EVA1A: variants seen among roughly 807,000 people sequenced by gnomAD.
EVA1A encodes protein eva-1 homolog A.
A neutral mutation model predicts 9.8 loss-of-function variants in EVA1A; 7 were observed. That is an observed-to-expected ratio of 0.71 (90% CI 0.41 to 1.34). The LOEUF is 1.34. Among genes scored for constraint, EVA1A ranks in the 40% most tolerant of loss-of-function variants. The pLI, the probability that EVA1A is intolerant of heterozygous loss-of-function variation, is 0.01. For synonymous variants in EVA1A, 90 were observed against 85.6 expected, an observed-to-expected ratio of 1.05 and a Z score of -0.28; for missense variants, 206 against 205.9, an observed-to-expected ratio of 1.00 and a Z score of 0.00.
chr2:75,503,451 G>A lies in EVA1A; in HGVS notation c.86-9842C>T, dbSNP rs531642735. Among the ~76,000 whole-genome samples the A allele has an allele frequency of 7.2e-5, 11 of 152,278 alleles. No individual in the cohort carries two copies. In the South Asian group the frequency reaches 1.2e-3, roughly 17 times the overall value. On this transcript the variant is annotated intron_variant, in intron 3 of 3. Transcript: ENST00000393913. The stretch of plus-strand genomic sequence containing the variant: ...GCAGGGTCATTGTTTTCACGGGCAG[G>A]AAGAGGCCCTATGTAGAGGTCCTGA...
chr2:75,549,923 G>A (rs944359213), intron 1 of EVA1A, among the ~76,000 whole-genome samples: 1 of 152,172 alleles, frequency 6.6e-6, no homozygotes, highest in Non-Finnish European at 1.5e-5. Flanking sequence ...TCTAATTCCA[G>A]CCCTGAGCCT....
intron 1 of EVA1A, among the ~76,000 whole-genome samples, chr2:75,549,330 G>A (rs1417276552): frequency 6.6e-6 from 1 of 152,126 alleles, no homozygotes; most frequent in African/African-American, 2.4e-5. Context: ...CATTTGTGCG[G>A]AGCCACACAG....
chr2:75,518,631 T>A (rs1430163589), intron 2 of EVA1A: 1 of 987,244 alleles, frequency 1.0e-6, no homozygotes, highest in African/African-American at 1.8e-5. Flanking sequence ...AGTAAACAAT[T>A]CCCCCTTACC....
At chr2:75,558,700 C>T (rs1676811513) in intron 1 of EVA1A, 1 of 152,136 alleles carries the variant, frequency 6.6e-6, no homozygotes, top group African/African-American at 2.4e-5. Context: ...AAGTCAGGAC[C>T]TAGAATACCA....
chr2:75,568,867 GC>G (rs543486491), intron 1 of EVA1A, among the ~76,000 whole-genome samples: 75 of 152,270 alleles, frequency 4.9e-4, no homozygotes, highest in African/African-American at 1.8e-3. Context: ...TGGTTGATGA[GC>G]ACTTAAATAT....
At chr2:75,566,879 C>G (rs1677038354) in intron 1 of EVA1A, among the ~76,000 whole-genome samples, 1 of 151,856 alleles carries the variant, frequency 6.6e-6, no homozygotes. Flanking sequence ...GGGGAATTCT[C>G]ATGCCCAGGC....
intron 1 of EVA1A, among the ~76,000 whole-genome samples, chr2:75,568,963 T>C (rs1677077197): frequency 6.6e-6 from 1 of 152,188 alleles, no homozygotes; most frequent in Admixed American, 6.5e-5. Flanking sequence ...CTTTTTCACA[T>C]AATGACTTCT....
chr2:75,530,518 C>A (rs1458296679), intron 1 of EVA1A, among the ~76,000 whole-genome samples: 1 of 152,124 alleles, frequency 6.6e-6, no homozygotes, highest in African/African-American at 2.4e-5. Context: ...TACTAGCTAA[C>A]TGAATCCAAC....
intron 1 of EVA1A, among the ~76,000 whole-genome samples, chr2:75,531,955 C>T (rs2901670): frequency 0.13 from 20,283 of 151,924 alleles, 1,837 homozygotes; most frequent in East Asian, 0.29. Context: ...GTCACAAGAT[C>T]GCGACCATCC....
intron 1 of EVA1A, among the ~76,000 whole-genome samples, chr2:75,524,463 C>T (rs752421523): frequency 3.3e-5 from 5 of 151,972 alleles, no homozygotes; most frequent in African/African-American, 7.3e-5. Flanking sequence ...CTCAACCTCA[C>T]GCCTAACTCC....
intron 3 of EVA1A, among the ~76,000 whole-genome samples, chr2:75,516,242 A>C (rs1675003129): frequency 3.9e-5 from 6 of 152,232 alleles, no homozygotes; most frequent in Admixed American, 3.9e-4. Flanking sequence ...TGAATATTTA[A>C]ATACATATTT....
intron 3 of EVA1A, among the ~76,000 whole-genome samples, chr2:75,509,293 G>C (rs76837476): frequency 6.6e-6 from 1 of 152,092 alleles, no homozygotes; most frequent in East Asian, 1.9e-4. Context: ...TGCACTTGCT[G>C]TGTAAATGAC....
At chr2:75,565,141 G>A (rs17739099), upstream of EVA1A, among the ~76,000 whole-genome samples, 1 of 152,120 alleles carries the variant, frequency 6.6e-6, no homozygotes, top group South Asian at 2.1e-4. Flanking sequence ...GAGACTGCTC[G>A]CCCTTCACAG....
At chr2:75,496,621 G>C (rs1352284696) in intron 3 of EVA1A, among the ~76,000 whole-genome samples, 6 of 152,026 alleles carry the variant, frequency 3.9e-5, no homozygotes, top group Non-Finnish European at 7.4e-5. Context: ...GCAATTTACA[G>C]ATTCAATGCT....
rs534792857 is a variant in EVA1A, at chr2:75,532,373, G to A, written c.-191-9886C>T. ...AGTGAAACTTGGTATTGTAGGTCTG[G>A]TAATTAAAAGAAAAGGTTATGTTTA... On this transcript the variant is annotated intron_variant, in intron 1 of 3. Transcript: ENST00000393913. Among the ~76,000 whole-genome samples, 364 of 152,048 alleles carry A rather than the reference G, an allele frequency of 2.4e-3. 5 individuals carry two copies. Among genetic ancestry groups the A allele is most frequent in the African/African-American group, 8.3e-3 (344 of 41,494 alleles).
At chr2:75,497,249 C>G (rs1276629829) in intron 3 of EVA1A, among the ~76,000 whole-genome samples, 3 of 152,168 alleles carry the variant, frequency 2.0e-5, no homozygotes, top group Non-Finnish European at 4.4e-5. Context: ...AGTAAACAGA[C>G]AACCTACAGA....
At chr2:75,506,754 T>A (rs963801092) in intron 3 of EVA1A, among the ~76,000 whole-genome samples, 4 of 152,188 alleles carry the variant, frequency 2.6e-5, no homozygotes, top group African/African-American at 7.2e-5. Flanking sequence ...TTAGGACACA[T>A]GGCCAGGACC....
At position 75,492,484 on chromosome 2, in the gene EVA1A, A is replaced by G. The variant is rs576356755; in HGVS notation, c.*752T>C. 4 of 152,330 alleles carry G rather than the reference A, an allele frequency of 2.6e-5. No homozygotes were observed. The highest frequency in any genetic ancestry group is 4.4e-5 in the Non-Finnish European group (3 of 67,986). 9.4% of individuals were successfully genotyped at this position (152,330 alleles called of 1,614,324 possible). ...TCATAATAAAATTTTCTTGTCTCCA[A>G]AGAGGGGGAAAACACACCACTTTTA... On this transcript the variant is annotated 3_prime_UTR_variant, in exon 4 of 4. Coordinates refer to ENST00000393913, the MANE Select transcript of EVA1A (RefSeq NM_001135032.2).
intron 1 of EVA1A, among the ~76,000 whole-genome samples, chr2:75,555,318 T>TC (rs1676669598): frequency 6.8e-6 from 1 of 146,670 alleles, no homozygotes; most frequent in Non-Finnish European, 1.5e-5. Flanking sequence ...TCTCTCTCTC[T>TC]CTCTCTCTCT....
Sources: allele counts gnomAD v4.1 joint callset (sites outside exome capture counted in the v4.1 genomes callset), GRCh38; gene constraint gnomAD v4.1.1; transcripts MANE v1.5; gene names NCBI Gene and HGNC (gene_info 2026-07-23, HGNC 2026-07-21).